Variants in RAD51B observed in about 807,000 individuals in gnomAD.
RAD51B encodes the protein RAD51 paralog B.
RAD51B carries 38 observed loss-of-function variants against 42.2 expected under a neutral mutation model. That is an observed-to-expected ratio of 0.90 (90% CI 0.70 to 1.18). RAD51B has a LOEUF of 1.18. Among genes scored for constraint, RAD51B ranks in the 50% most tolerant of loss-of-function variants. The pLI is 0.00. For synonymous variants in RAD51B, 154 were observed against 145.2 expected (o/e 1.06, Z -0.43); for missense variants, 373 against 400.7 (o/e 0.93, Z 0.59).
intron 7 of RAD51B, among the ~76,000 whole-genome samples, chr14:68,150,156 G>C (rs1266173838): frequency 1.3e-5 from 2 of 152,216 alleles, no homozygotes; most frequent in African/African-American, 2.4e-5. Flanking sequence ...TGTTGGTCAG[G>C]CTAGTCTCAA....
chr14:67,864,997 TTTTAG>T lies in RAD51B; in HGVS notation c.316-5_316-1del. ...TTTTTTTTTTTTTTTTTTTTTTTTT[TTTTAG>T]ATTACAGGTCCACCAGGTTGTGGAA... On this transcript the variant is annotated splice_acceptor_variant and splice_polypyrimidine_tract_variant and intron_variant, in intron 4 of 10. Transcript: ENST00000471583. LOFTEE classifies it high-confidence loss of function. The T allele has an allele frequency of 7.6e-7, 1 of 1,323,654 alleles. No individual in the cohort carries two copies. The highest frequency in any genetic ancestry group is 1.6e-5 in the South Asian group (1 of 60,776). 82.0% of individuals were successfully genotyped at this position (1,323,654 alleles called of 1,614,324 possible).
intron 8 of RAD51B, among the ~76,000 whole-genome samples, chr14:68,384,151 A>G (rs986716651): frequency 3.2e-4 from 49 of 152,378 alleles, no homozygotes; most frequent in African/African-American, 1.1e-3. Flanking sequence ...CATTTGCATC[A>G]ATGAAGTTTA....
chr14:67,945,341 A>G (rs2045353265), intron 7 of RAD51B, among the ~76,000 whole-genome samples: 1 of 152,046 alleles, frequency 6.6e-6, no homozygotes, highest in Non-Finnish European at 1.5e-5. Context: ...ATTGCCAAGT[A>G]CCCCTTTCAT....
chr14:68,654,687 T>C (rs949632748), intron 11 of RAD51B, among the ~76,000 whole-genome samples: 1 of 152,084 alleles, frequency 6.6e-6, no homozygotes, highest in Admixed American at 6.5e-5. Flanking sequence ...TCAGGCCTGA[T>C]AGGAAGGCCC....
intron 7 of RAD51B, among the ~76,000 whole-genome samples, chr14:67,984,365 T>A (rs1381549366): frequency 6.6e-6 from 1 of 152,202 alleles, no homozygotes; most frequent in Non-Finnish European, 1.5e-5. Flanking sequence ...ATACTGATTG[T>A]TGTAAACATT....
chr14:68,285,720 T>G (rs112468621), intron 7 of RAD51B, among the ~76,000 whole-genome samples: 3 of 152,260 alleles, frequency 2.0e-5, no homozygotes, highest in African/African-American at 7.2e-5. Context: ...GGGCTAGAAA[T>G]GCCCCTGAGA....
At chr14:68,680,145 C>T (rs537688655) in intron 11 of RAD51B, among the ~76,000 whole-genome samples, 12 of 152,276 alleles carry the variant, frequency 7.9e-5, no homozygotes, top group South Asian at 4.1e-4. Flanking sequence ...CACACTTTTA[C>T]GTCTAATCTT....
At chr14:68,313,310 C>A (rs571239542) in intron 8 of RAD51B, among the ~76,000 whole-genome samples, 36 of 152,292 alleles carry the variant, frequency 2.4e-4, no homozygotes, top group Non-Finnish European at 7.3e-5. Context: ...TGGGCTGTGG[C>A]CCAGGCATGC....
At chr14:68,097,052 A>T (rs2077208716) in intron 7 of RAD51B, among the ~76,000 whole-genome samples, 1 of 152,058 alleles carries the variant, frequency 6.6e-6, no homozygotes, top group Admixed American at 6.6e-5. Flanking sequence ...CATCTTCCTC[A>T]TTTGTTTTTC....
chr14:68,470,701 T>A (rs1466132713), intron 10 of RAD51B: 1 of 434,386 alleles, frequency 2.3e-6, no homozygotes, highest in East Asian at 4.2e-5. Flanking sequence ...TTTCATTTCA[T>A]AAAATATTTC....
At chr14:68,058,343 A>G (rs749203197) in intron 7 of RAD51B, among the ~76,000 whole-genome samples, 5 of 152,138 alleles carry the variant, frequency 3.3e-5, no homozygotes, top group Non-Finnish European at 5.9e-5. Flanking sequence ...TCAATGCATC[A>G]TTTGCCTTCC....
At chr14:68,676,403 C>A (rs1893303491) in intron 11 of RAD51B, among the ~76,000 whole-genome samples, 1 of 152,168 alleles carries the variant, frequency 6.6e-6, no homozygotes, top group Non-Finnish European at 1.5e-5. Flanking sequence ...TTTGGGAATG[C>A]AAGCTGACCC....
At chr14:67,932,225 A>T (rs1387749049) in intron 7 of RAD51B, among the ~76,000 whole-genome samples, 1 of 152,176 alleles carries the variant, frequency 6.6e-6, no homozygotes, top group Non-Finnish European at 1.5e-5. Flanking sequence ...TTTCTTTCAT[A>T]GGAGATGTAT....
chr14:68,680,339 C>A (rs975083694), intron 11 of RAD51B, among the ~76,000 whole-genome samples: 1 of 152,156 alleles, frequency 6.6e-6, no homozygotes, highest in Admixed American at 6.5e-5. Flanking sequence ...GTATACTACG[C>A]TACAGTCTTC....
chr14:68,326,693 A>C lies in RAD51B; in HGVS notation c.853+34713A>C, dbSNP rs924591496. Among the ~76,000 whole-genome samples the C allele has an allele frequency of 3.9e-5, 6 of 152,372 alleles. No individual in the cohort carries two copies. The East Asian group carries it at 9.6e-4, about 24-fold the overall frequency. ...AGACATAAAATGAGCACAGGTTGCC[A>C]CTAGAACTTTTTCTATAACCTAATT... On this transcript the variant is annotated intron_variant, in intron 8 of 10. Coordinates refer to ENST00000471583, the MANE Select transcript of RAD51B (RefSeq NM_133510.4).
At chr14:68,329,462 A>G (rs2082306459) in intron 8 of RAD51B, among the ~76,000 whole-genome samples, 1 of 152,208 alleles carries the variant, frequency 6.6e-6, no homozygotes, top group African/African-American at 2.4e-5. Flanking sequence ...TCAGCTAAGA[A>G]TTCCAGAAAT....
rs535201665 is a variant in RAD51B at position 67,975,005 on chromosome 14, G to A, written c.756+87801G>A. 2.6e-5 allele frequency among the ~76,000 whole-genome samples: 4 copies of A among 152,256 alleles called. No individual in the cohort carries two copies. The South Asian group carries it at 8.3e-4, about 32-fold the overall frequency. On this transcript the variant is annotated intron_variant, in intron 7 of 10. Transcript: ENST00000471583. ...TTGGTTTCTCTCCCACTTTTGGAGAGTTGATATCTGCTTTGCTGGCTTCAC... is the reference window on the plus strand; with the variant it reads ...TTGGTTTCTCTCCCACTTTTGGAGAATTGATATCTGCTTTGCTGGCTTCAC...
chr14:68,180,509 AC>A (rs2079042845), intron 7 of RAD51B, among the ~76,000 whole-genome samples: 1 of 152,192 alleles, frequency 6.6e-6, no homozygotes, highest in African/African-American at 2.4e-5. Flanking sequence ...TGAGTGCTTT[AC>A]TACATTTCAG....
chr14:68,452,449 C>T (rs1316255600), intron 9 of RAD51B, among the ~76,000 whole-genome samples: 1 of 152,116 alleles, frequency 6.6e-6, no homozygotes, highest in Non-Finnish European at 1.5e-5. Flanking sequence ...ACAATAAAGT[C>T]AATTCTCACT....
Sources: gnomAD v4.1 joint callset for allele counts (sites outside exome capture counted in the v4.1 genomes callset) on GRCh38, gnomAD v4.1.1 for gene constraint, MANE v1.5 for transcripts, NCBI Gene and HGNC (gene_info 2026-07-23, HGNC 2026-07-21) for gene names.